Variants in UNC13C observed in about 807,000 individuals in gnomAD.
UNC13C encodes the protein protein unc-13 homolog C.
In UNC13C, 174 loss-of-function variants were observed where a neutral mutation model predicts 245.4. That is an observed-to-expected ratio of 0.71 (90% CI 0.63 to 0.80). UNC13C has a LOEUF of 0.80. UNC13C is among the 30% of genes least tolerant of loss of function. UNC13C has a pLI of 0.00. For missense variants in UNC13C, 2,829 were observed against 2,602.9 expected (o/e 1.09, Z -1.89); for synonymous variants, 992 against 895.1 (o/e 1.11, Z -1.93).
At chr15:54,272,876 A>G (rs183335384) in intron 10 of UNC13C, among the ~76,000 whole-genome samples, 1 of 152,240 alleles carries the variant, frequency 6.6e-6, no homozygotes, top group African/African-American at 2.4e-5. Context: ...GGGTCACCAA[A>G]GAGAATTAAT....
At chr15:54,223,661 T>G (rs2035291974) in intron 4 of UNC13C, among the ~76,000 whole-genome samples, 1 of 152,116 alleles carries the variant, frequency 6.6e-6, no homozygotes. Flanking sequence ...TTATTCTTTT[T>G]CTGTGAAGAA....
intron 1 of UNC13C, among the ~76,000 whole-genome samples, chr15:54,001,107 C>G (rs1894866182): frequency 6.6e-6 from 1 of 152,130 alleles, no homozygotes. Flanking sequence ...TGTAGCTGAG[C>G]AGGTTGGTGA....
rs570037745 is a variant in UNC13C, at chr15:54,261,720, A to G, written c.3449-2448A>G. The stretch of plus-strand genomic sequence containing the variant: ...CACTACGCCTGGCTAATTTTTTTGT[A>G]TTTTTAGTAGAGACAGAGTTTCACC... On this transcript the variant is annotated intron_variant, in intron 8 of 32. Coordinates refer to ENST00000260323, the MANE Select transcript of UNC13C (RefSeq NM_001080534.3). Among the ~76,000 whole-genome samples the G allele has an allele frequency of 6.6e-4, 100 of 152,102 alleles. 1 individual carries two copies. Among genetic ancestry groups the G allele is most frequent in the Non-Finnish European group, 7.1e-4 (48 of 67,998 alleles).
At chr15:54,147,702 A>AGGGG (rs1555423204) in intron 4 of UNC13C, among the ~76,000 whole-genome samples, 9 of 32,286 alleles carry the variant, frequency 2.8e-4, no homozygotes, top group South Asian at 2.3e-3. Flanking sequence ...AAGCATCACA[A>AGGGG]GGGGTGTGTG....
chr15:54,515,877 C>T (rs1208200118), intron 24 of UNC13C, among the ~76,000 whole-genome samples: 1 of 152,200 alleles, frequency 6.6e-6, no homozygotes, highest in Non-Finnish European at 1.5e-5. Context: ...ATTGACTCTT[C>T]TGTGTCATAC....
At chr15:54,552,680 AAT>A (rs1896856872) in intron 28 of UNC13C, among the ~76,000 whole-genome samples, 1 of 84,524 alleles carries the variant, frequency 1.2e-5, no homozygotes, top group African/African-American at 5.5e-5. Context: ...TATATAATAT[AAT>A]TATATAATTA....
rs1187097904 is a variant in UNC13C, at chr15:54,627,949, C to T, written c.*836C>T. On this transcript the variant is annotated 3_prime_UTR_variant, in exon 33 of 33. Transcript: ENST00000260323. ...AGTAACTATATTGTTAATATCTTCC[C>T]TCTGACAGTTATGACTCTATAATCA... is the stretch of plus-strand genomic sequence containing the variant. 1.3e-5 allele frequency: 2 copies of T among 152,470 alleles called. No homozygotes were observed. The highest frequency in any genetic ancestry group is 4.8e-5 in the African/African-American group (2 of 41,408). The allele number at this position is 152,470 out of a possible 1,614,324, so 9.4% of individuals were successfully genotyped here.
At chr15:54,535,804 A>C (rs1252633720) in intron 26 of UNC13C, among the ~76,000 whole-genome samples, 1 of 152,192 alleles carries the variant, frequency 6.6e-6, no homozygotes, top group East Asian at 1.9e-4. Context: ...TGTAAAAGAA[A>C]AGGTATAACA....
chr15:53,935,333 T>C, the UNC13C span, among the ~76,000 whole-genome samples: 1 of 152,262 alleles, frequency 6.6e-6, no homozygotes, highest in African/African-American at 2.4e-5. Context: ...ATTTGGGAGA[T>C]TTTAAATGAC....
At chr15:54,134,536 C>T (rs979313032) in intron 2 of UNC13C, among the ~76,000 whole-genome samples, 15 of 151,902 alleles carry the variant, frequency 9.9e-5, no homozygotes, top group African/African-American at 3.4e-4. Flanking sequence ...GACGGGGTCT[C>T]GGAGTCTCGC....
At chr15:54,097,712 T>G (rs143365126) in intron 2 of UNC13C, among the ~76,000 whole-genome samples, 1 of 152,218 alleles carries the variant, frequency 6.6e-6, no homozygotes, top group Non-Finnish European at 1.5e-5. Flanking sequence ...TTTGTTCACC[T>G]GTCCATCTCT....
chr15:54,388,418 A>G (rs1478295174), intron 17 of UNC13C, among the ~76,000 whole-genome samples: 1 of 152,152 alleles, frequency 6.6e-6, no homozygotes, highest in Non-Finnish European at 1.5e-5. Context: ...CTGCTTGGCA[A>G]TGCCACTATG....
the UNC13C span, among the ~76,000 whole-genome samples, chr15:53,844,062 T>A: frequency 6.6e-6 from 1 of 152,140 alleles, no homozygotes; most frequent in African/African-American, 2.4e-5. Flanking sequence ...GAACTGATAA[T>A]GGAAGGTCCC....
the UNC13C span, among the ~76,000 whole-genome samples, chr15:53,846,165 A>G: frequency 6.6e-6 from 1 of 152,170 alleles, no homozygotes; most frequent in Non-Finnish European, 1.5e-5. Context: ...TCGGTGCATT[A>G]AATACATATT....
chr15:54,172,361 T>G (rs1189215119), intron 4 of UNC13C, among the ~76,000 whole-genome samples: 1 of 151,976 alleles, frequency 6.6e-6, no homozygotes, highest in Non-Finnish European at 1.5e-5. Flanking sequence ...AAATATACCA[T>G]GTACCCCATA....
chr15:53,895,345 C>CAAAAAAA, the UNC13C span, among the ~76,000 whole-genome samples: 1 of 34,250 alleles, frequency 2.9e-5, no homozygotes. Context: ...GATTTCATCT[C>CAAAAAAA]AAAAAAAAAA....
the UNC13C span, among the ~76,000 whole-genome samples, chr15:53,905,433 A>ACACACAG: frequency 6.2e-4 from 72 of 115,862 alleles, no homozygotes; most frequent in African/African-American, 1.8e-3. Context: ...CACACACACA[A>ACACACAG]TGGAATATTG....
chr15:53,974,496 G>T (rs1893637263), upstream of UNC13C, among the ~76,000 whole-genome samples: 1 of 152,208 alleles, frequency 6.6e-6, no homozygotes, highest in South Asian at 2.1e-4. Flanking sequence ...TCGCAGTCCA[G>T]CAAGGAAAAT....
the UNC13C span, among the ~76,000 whole-genome samples, chr15:53,932,033 G>A: frequency 7.9e-5 from 12 of 151,660 alleles, no homozygotes; most frequent in South Asian, 6.3e-4. Flanking sequence ...ACCTAAGTCC[G>A]GGCACAGTGG....
Sources: allele counts gnomAD v4.1 joint callset (sites outside exome capture counted in the v4.1 genomes callset), GRCh38; gene constraint gnomAD v4.1.1; transcripts MANE v1.5; gene names NCBI Gene and HGNC (gene_info 2026-07-23, HGNC 2026-07-21).